MDGA2: variants seen among roughly 807,000 people sequenced by gnomAD.
MDGA2 encodes MAM domain containing glycosylphosphatidylinositol anchor 2, also known as MAM domain-containing glycosylphosphatidylinositol anchor protein 2.
MDGA2 carries 40 observed loss-of-function variants against 117.8 expected under a neutral mutation model. The observed-to-expected ratio is 0.34, with a 90% CI of 0.26 to 0.44. The LOEUF (loss-of-function observed/expected upper bound fraction) is 0.44, where lower values mean the gene tolerates loss of function less well. MDGA2 is among the 20% of genes least tolerant of loss of function. The pLI, the probability that MDGA2 is intolerant of heterozygous loss-of-function variation, is 1.00. For missense variants in MDGA2, 1,123 were observed against 1,250.6 expected, an observed-to-expected ratio of 0.90 and a Z score of 1.54; for synonymous variants, 452 against 439.0, an observed-to-expected ratio of 1.03 and a Z score of -0.37.
chr14:47,641,746 A>C lies in MDGA2; in HGVS notation c.280+32771T>G, dbSNP rs531461982. On this transcript the variant is annotated intron_variant, in intron 1 of 16. Coordinates refer to ENST00000399232, the MANE Select transcript of MDGA2 (RefSeq NM_001113498.3). ...ACAATTTGATATTAAATAATTAGAA[A>C]GTTTTGCTGTAATACCTCATCTGCA... 1.6e-4 allele frequency among the ~76,000 whole-genome samples: 24 copies of C among 152,246 alleles called. 1 individual carries two copies. The highest frequency in any genetic ancestry group is 3.4e-3 in the Middle Eastern group (1 of 294).
At chr14:47,183,827 A>G (rs1289094170) in intron 3 of MDGA2, among the ~76,000 whole-genome samples, 1 of 152,040 alleles carries the variant, frequency 6.6e-6, no homozygotes, top group Non-Finnish European at 1.5e-5. Context: ...TCTTCCTGAC[A>G]TGAAAATCCC....
At chr14:47,563,576 CTGTTTTTTTTTTTTTT>C (rs780147763) in intron 1 of MDGA2, among the ~76,000 whole-genome samples, 10 of 22,506 alleles carry the variant, frequency 4.4e-4, no homozygotes, top group East Asian at 1.1e-3. Flanking sequence ...CTGCTTTTTT[CTGTTTTTTTTTTTTTT>C]TTTTTTTTTT....
At chr14:47,299,571 C>G (rs964539101) in intron 2 of MDGA2, 11 of 152,178 alleles carry the variant, frequency 7.2e-5, no homozygotes, top group African/African-American at 2.4e-4. Flanking sequence ...CAAATTATAA[C>G]AACACTATAT....
chr14:47,301,147 T>C (rs1889264897), intron 2 of MDGA2, among the ~76,000 whole-genome samples: 1 of 152,184 alleles, frequency 6.6e-6, no homozygotes, highest in Non-Finnish European at 1.5e-5. Flanking sequence ...AAGTGTCTTC[T>C]ACATTTCCCA....
intron 1 of MDGA2, among the ~76,000 whole-genome samples, chr14:47,474,769 C>A (rs1303516354): frequency 1.3e-5 from 2 of 152,094 alleles, no homozygotes; most frequent in African/African-American, 4.8e-5. Context: ...GTGCTGGGAA[C>A]TGGCTAGCCA....
At chr14:47,312,677 G>GTTTT (rs202227321) in intron 1 of MDGA2, among the ~76,000 whole-genome samples, 1 of 126,744 alleles carries the variant, frequency 7.9e-6, no homozygotes, top group African/African-American at 3.0e-5. Context: ...CTAGTTTTTA[G>GTTTT]TTTTTTTTTT....
intron 1 of MDGA2, among the ~76,000 whole-genome samples, chr14:47,563,466 T>C (rs889769983): frequency 6.6e-6 from 1 of 152,176 alleles, no homozygotes; most frequent in Non-Finnish European, 1.5e-5. Context: ...GGTCTTCCTG[T>C]TGAATTTATT....
intron 3 of MDGA2, among the ~76,000 whole-genome samples, chr14:47,152,048 T>G (rs1462920203): frequency 6.6e-6 from 1 of 152,098 alleles, no homozygotes; most frequent in African/African-American, 2.4e-5. Context: ...TTCTTGAAAC[T>G]TTTTTTGGCT....
intron 8 of MDGA2, among the ~76,000 whole-genome samples, chr14:47,017,738 T>C (rs538798692): frequency 6.6e-6 from 1 of 152,194 alleles, no homozygotes; most frequent in Non-Finnish European, 1.5e-5. Context: ...GAGTGAAAAA[T>C]ATATGTTCTC....
At chr14:47,049,036 C>A (rs894464294) in intron 7 of MDGA2, among the ~76,000 whole-genome samples, 1 of 152,088 alleles carries the variant, frequency 6.6e-6, no homozygotes, top group Non-Finnish European at 1.5e-5. Flanking sequence ...TATGGTTTTA[C>A]ATTGCATTTT....
At chr14:47,313,655 T>A (rs1889714244) in intron 1 of MDGA2, among the ~76,000 whole-genome samples, 1 of 152,198 alleles carries the variant, frequency 6.6e-6, no homozygotes, top group Non-Finnish European at 1.5e-5. Flanking sequence ...CTATCTAAAT[T>A]ATTTTAAAAG....
In MDGA2 at chr14:47,032,905, G is replaced by A. The variant is rs183533800; in HGVS notation, c.1819+2106C>T. Among the ~76,000 whole-genome samples the A allele has an allele frequency of 1.2e-3, 176 of 152,332 alleles. 2 individuals carry two copies. The highest frequency in any genetic ancestry group is 3.8e-3 in the African/African-American group (160 of 41,576). ...GAGCTGGCAAGACTGCCTGCATCCA[G>A]TTGCCTTCCTGGGCAGGCCAGGGAA... is the stretch of plus-strand genomic sequence containing the variant. On this transcript the variant is annotated intron_variant, in intron 8 of 16. Transcript: ENST00000399232.
intron 3 of MDGA2, among the ~76,000 whole-genome samples, chr14:47,217,562 A>T (rs1305355514): frequency 6.6e-6 from 1 of 152,086 alleles, no homozygotes; most frequent in Non-Finnish European, 1.5e-5. Flanking sequence ...GGTCATTTAC[A>T]GGCCAATTCA....
chr14:47,439,528 C>T (rs1892960664), intron 1 of MDGA2, among the ~76,000 whole-genome samples: 1 of 152,098 alleles, frequency 6.6e-6, no homozygotes, highest in Admixed American at 6.6e-5. Flanking sequence ...CTTCTGCTGT[C>T]CCTACTCCCT....
At chr14:47,213,506 T>A (rs968233060) in intron 3 of MDGA2, among the ~76,000 whole-genome samples, 34 of 151,854 alleles carry the variant, frequency 2.2e-4, no homozygotes, top group African/African-American at 7.7e-4. Context: ...ATTCTTAATT[T>A]AAAAAAAACG....
chr14:46,984,053 G>A lies in MDGA2; in HGVS notation c.1820-26410C>T, dbSNP rs532024816. Among the ~76,000 whole-genome samples, 21 of 151,978 alleles carry A rather than the reference G, an allele frequency of 1.4e-4. 1 individual carries two copies. The highest frequency in any genetic ancestry group is 4.2e-4 in the South Asian group (2 of 4,814). ...AGTTATATTACTTGAATAAAGATAC[G>A]TCAAATATTTTACATGATTCCACTG... On this transcript the variant is annotated intron_variant, in intron 8 of 16. Coordinates refer to ENST00000399232, the MANE Select transcript of MDGA2 (RefSeq NM_001113498.3).
intron 1 of MDGA2, among the ~76,000 whole-genome samples, chr14:47,330,419 A>T (rs1020599718): frequency 1.3e-5 from 2 of 151,976 alleles, no homozygotes; most frequent in African/African-American, 2.4e-5. Flanking sequence ...AAGGACATAT[A>T]TTTCAAACAG....
intron 14 of MDGA2, among the ~76,000 whole-genome samples, chr14:46,858,497 G>A (rs1320540895): frequency 7.0e-6 from 1 of 143,484 alleles, no homozygotes; most frequent in African/African-American, 2.6e-5. Context: ...GCGCGATCTC[G>A]GCTCACTGAA....
rs1271039571 is a variant in MDGA2, at chr14:47,144,066, C to G, written c.792+12G>C. 6.5e-7 allele frequency: 1 copy of G among 1,537,856 alleles called. No homozygotes were observed. Among genetic ancestry groups the G allele is most frequent in the South Asian group, 1.2e-5 (1 of 82,210 alleles). On this transcript the variant is annotated intron_variant, in intron 4 of 16. Coordinates refer to ENST00000399232, the MANE Select transcript of MDGA2 (RefSeq NM_001113498.3). ...GCAGAGTAGGGTGGAAATACTGTACCTTAATTCATACCTGGGTAAAGAATG... is the reference window on the plus strand; with the variant it reads ...GCAGAGTAGGGTGGAAATACTGTACGTTAATTCATACCTGGGTAAAGAATG...
Sources: gnomAD v4.1 joint callset for allele counts (sites outside exome capture counted in the v4.1 genomes callset) on GRCh38, gnomAD v4.1.1 for gene constraint, MANE v1.5 for transcripts, NCBI Gene and HGNC (gene_info 2026-07-23, HGNC 2026-07-21) for gene names.